Variants in PEX2 observed in about 807,000 individuals in gnomAD.
PEX2 encodes peroxisome biogenesis factor 2.
Under a neutral mutation model 25.2 loss-of-function variants are expected in PEX2, and 19 were observed. That is an observed-to-expected ratio of 0.75 (90% CI 0.53 to 1.10). The LOEUF (loss-of-function observed/expected upper bound fraction) is 1.10, where lower values mean the gene tolerates loss of function less well. Among genes scored for constraint, PEX2 ranks in the 50% least tolerant of loss-of-function variants. The probability of loss-of-function intolerance (pLI) is 0.00; values close to 1 mark genes in which losing one functional copy is unlikely to be tolerated. For missense variants in PEX2, 347 were observed against 350.6 expected, an observed-to-expected ratio of 0.99 and a Z score of 0.08; for synonymous variants, 141 against 127.7, an observed-to-expected ratio of 1.10 and a Z score of -0.70.
At chr8:76,990,601 T>C (rs1310052168) in intron 1 of PEX2, among the ~76,000 whole-genome samples, 1 of 152,084 alleles carries the variant, frequency 6.6e-6, no homozygotes. Flanking sequence ...ATTTCAACAT[T>C]GTTGTGTCTT....
intron 1 of PEX2, among the ~76,000 whole-genome samples, chr8:76,991,221 C>T (rs1196845691): frequency 6.6e-6 from 1 of 152,170 alleles, no homozygotes; most frequent in African/African-American, 2.4e-5. Flanking sequence ...GGAGGAATTA[C>T]ACTTAAAAAC....
intron 3 of PEX2, among the ~76,000 whole-genome samples, chr8:76,984,751 AG>A (rs1806956986): frequency 6.6e-6 from 1 of 152,182 alleles, no homozygotes; most frequent in South Asian, 2.1e-4. Context: ...ATATGTGTAA[AG>A]GAAGTTAAAA....
chr8:76,999,764 A>AT (rs770227992), intron 1 of PEX2: 1 of 449,850 alleles, frequency 2.2e-6, no homozygotes, highest in South Asian at 1.6e-5. Flanking sequence ...GTGTGTGTTT[A>AT]TTTTTAATGC....
At chr8:76,990,788 G>GGTGACA (rs537863549) in intron 1 of PEX2, among the ~76,000 whole-genome samples, 38 of 151,902 alleles carry the variant, frequency 2.5e-4, no homozygotes, top group Non-Finnish European at 4.7e-4. Flanking sequence ...ACTGATCACA[G>GGTGACA]GTCACCACTA....
At chr8:76,989,640 A>T (rs115925364) in intron 1 of PEX2, among the ~76,000 whole-genome samples, 2 of 152,210 alleles carry the variant, frequency 1.3e-5, no homozygotes, top group African/African-American at 4.8e-5. Context: ...TCTTCGTCAG[A>T]GCTCTTGGGT....
At chr8:76,990,673 ATATGGATACAG>A (rs1807144751) in intron 1 of PEX2, among the ~76,000 whole-genome samples, 1 of 152,186 alleles carries the variant, frequency 6.6e-6, no homozygotes, top group Non-Finnish European at 1.5e-5. Context: ...TCACCATCTT[ATATGGATACAG>A]TTCTTGGTGC....
intron 1 of PEX2, among the ~76,000 whole-genome samples, chr8:76,999,606 G>A (rs1312154688): frequency 6.6e-6 from 1 of 152,170 alleles, no homozygotes; most frequent in African/African-American, 2.4e-5. Context: ...TGAACTTTCA[G>A]ATATTAAGTA....
chr8:76,995,416 A>G (rs1316473410), intron 1 of PEX2, among the ~76,000 whole-genome samples: 1 of 152,218 alleles, frequency 6.6e-6, no homozygotes, highest in African/African-American at 2.4e-5. Flanking sequence ...TGTATCTGAA[A>G]GATAAACTTC....
intron 3 of PEX2, among the ~76,000 whole-genome samples, chr8:76,985,340 G>T (rs1354819793): frequency 6.6e-6 from 1 of 151,984 alleles, no homozygotes; most frequent in Non-Finnish European, 1.5e-5. Context: ...TTAGTCAAAG[G>T]GTGCAAATTT....
chr8:77,000,862 G>A (rs1203936325), upstream of PEX2: 2 of 152,376 alleles, frequency 1.3e-5, no homozygotes, highest in African/African-American at 4.8e-5. Flanking sequence ...TGGGAATGGG[G>A]TCTGAGGGAA....
intron 2 of PEX2, 119 bp downstream of exon 2, chr8:76,988,188 G>A (rs1292294964): frequency 6.6e-6 from 1 of 151,994 alleles, no homozygotes; most frequent in East Asian, 1.9e-4. Flanking sequence ...TATATCTCTG[G>A]GCTTTTAATC....
At chr8:77,000,878 C>G (rs1036220062), upstream of PEX2, 1 of 152,318 alleles carries the variant, frequency 6.6e-6, no homozygotes, top group Non-Finnish European at 1.5e-5. Flanking sequence ...GGGAAGAGTG[C>G]TCACCAGGCA....
At chr8:76,994,226 C>CA (rs1807255440) in intron 1 of PEX2, among the ~76,000 whole-genome samples, 1 of 151,982 alleles carries the variant, frequency 6.6e-6, no homozygotes, top group Admixed American at 6.6e-5. Flanking sequence ...TTTCATATCC[C>CA]AAAATAAAAA....
intron 1 of PEX2, 136 bp from the exon 2 acceptor site, chr8:76,988,474 T>C (rs1023013943): frequency 2.0e-5 from 3 of 152,252 alleles, no homozygotes; most frequent in African/African-American, 7.2e-5. Flanking sequence ...ACAATGTACA[T>C]ACCTTAATTA....
chr8:76,982,810 G>GAAA lies in PEX2; in HGVS notation c.*448_*450dup. ...GGTGACAGAGCAGGACACCGTCTCAGAAAAAAAAAAAAAAGTTACAACTGA... is the reference window on the plus strand; with the variant it reads ...GGTGACAGAGCAGGACACCGTCTCAGAAAAAAAAAAAAAAAAAGTTACAACTGA... On this transcript the variant is annotated 3_prime_UTR_variant, in exon 4 of 4. Coordinates refer to ENST00000357039, the MANE Select transcript of PEX2 (RefSeq NM_000318.3). 1 of 150,910 alleles carries GAAA rather than the reference G, an allele frequency of 6.6e-6. No individual in the cohort carries two copies. The highest frequency in any genetic ancestry group is 1.4e-4 in the South Asian group (1 of 6,940). 9.3% of individuals were successfully genotyped at this position (150,910 alleles called of 1,614,324 possible). A position where few individuals can be genotyped will look rare whatever the true frequency, so the allele number is the denominator to read the frequency against.
rs115814893 is a variant in PEX2, at chr8:76,990,175, T to C, written c.-159-1837A>G. ...AACCAACCTCTGCTAGCTTCCACCTTTTCTTCTGCAGATTCCTCACCTCTT... is the reference window on the plus strand; with the variant it reads ...AACCAACCTCTGCTAGCTTCCACCTCTTCTTCTGCAGATTCCTCACCTCTT... On this transcript the variant is annotated intron_variant, in intron 1 of 3. Coordinates refer to ENST00000357039, the MANE Select transcript of PEX2 (RefSeq NM_000318.3). Among the ~76,000 whole-genome samples the C allele has an allele frequency of 9.7e-3, 1,480 of 152,296 alleles. 15 individuals carry two copies. Among genetic ancestry groups the C allele is most frequent in the African/African-American group, 0.034 (1,419 of 41,568 alleles).
chr8:76,983,875 G>T lies in PEX2; in HGVS notation c.304C>A (p.Gln102Lys), dbSNP rs200065382. The change falls in exon 4 of 4, where the codon CAA (glutamine) becomes AAA (lysine). Residue 102 changes from glutamine (Q) to lysine (K), a missense_variant. Transcript: ENST00000357039. ...NLRYQPPSKNQKIWYAVCTIG... is the reference protein window; with the variant it reads ...NLRYQPPSKNKKIWYAVCTIG... ...GTACAAACAGCATACCAGATTTTTT[G>T]ATTTTTACTGGGTGGCTGATATCTC... 1.2e-4 allele frequency: 191 copies of T among 1,613,894 alleles called. No homozygotes were observed. Among genetic ancestry groups the T allele is most frequent in the Admixed American group, 8.2e-4 (49 of 59,992 alleles).
intron 1 of PEX2, among the ~76,000 whole-genome samples, chr8:76,990,779 C>T (rs1807148067): frequency 1.3e-5 from 2 of 152,028 alleles, no homozygotes; most frequent in African/African-American, 4.8e-5. Context: ...ACAAAGATCA[C>T]TGATCACAGG....
At chr8:77,000,477 ACGCCTCCG>A (rs1172385919), upstream of PEX2, among the ~76,000 whole-genome samples, 1 of 151,990 alleles carries the variant, frequency 6.6e-6, no homozygotes, top group East Asian at 2.0e-4. Flanking sequence ...TGGCGGCGAG[ACGCCTCCG>A]CGCCTCCGGG....
Sources: allele counts gnomAD v4.1 joint callset (sites outside exome capture counted in the v4.1 genomes callset), GRCh38; gene constraint gnomAD v4.1.1; transcripts MANE v1.5; gene names NCBI Gene and HGNC (gene_info 2026-07-23, HGNC 2026-07-21).